BEND4: variants seen among roughly 807,000 people sequenced by gnomAD.
BEND4 encodes BEN domain-containing protein 4.
BEND4 carries 27 observed loss-of-function variants against 54.7 expected under a neutral mutation model. That is an observed-to-expected ratio of 0.49 (90% CI 0.36 to 0.68). The LOEUF (loss-of-function observed/expected upper bound fraction) is 0.68, where lower values mean the gene tolerates loss of function less well. BEND4 is among the 30% of genes least tolerant of loss of function. BEND4 has a pLI of 0.00. For missense variants in BEND4, 702 were observed against 697.2 expected (o/e 1.01, Z -0.08); for synonymous variants, 327 against 299.5 (o/e 1.09, Z -0.95).
In BEND4 at chr4:42,152,051, G is replaced by A. The variant is rs1034946473; in HGVS notation, c.93C>T (p.Pro31=). 25 of 1,252,068 alleles carry A rather than the reference G, an allele frequency of 2.0e-5. No homozygotes were observed. Among genetic ancestry groups the A allele is most frequent in the South Asian group, 4.1e-5 (1 of 24,650 alleles). 77.6% of individuals were successfully genotyped at this position (1,252,068 alleles called of 1,614,324 possible). A position where few individuals can be genotyped will look rare whatever the true frequency, so the allele number is the denominator to read the frequency against. The change falls in exon 2 of 6, where the codon CCC becomes CCT. Residue 31 remains proline, a synonymous_variant. Transcript: ENST00000502486. The part of the protein sequence containing the change: ...RSPYSVLKTF[P]SKRPALAKRY... ...GCTTGGCCAGCGCCGGTCTCTTGCT[G>A]GGGAACGTCTTGAGGACGCTGTAGG...
intron 3 of BEND4, among the ~76,000 whole-genome samples, chr4:42,130,951 C>G (rs1720485589): frequency 6.6e-6 from 1 of 152,146 alleles, no homozygotes; most frequent in African/African-American, 2.4e-5. Context: ...TTATCCTCAG[C>G]AAACTAATGC....
At position 42,135,439 on chromosome 4, in the gene BEND4, T is replaced by A. The variant is rs372316524; in HGVS notation, c.1054+7989A>T. On this transcript the variant is annotated intron_variant, in intron 3 of 5. Transcript: ENST00000502486. Reference sequence around the variant, plus strand: ...GTGCTTACTGGAAGATCAGTAGGTATCCCAACCATGCCTTATTGTATTTGG... The same window carrying A: ...GTGCTTACTGGAAGATCAGTAGGTAACCCAACCATGCCTTATTGTATTTGG... Among the ~76,000 whole-genome samples the A allele has an allele frequency of 9.3e-4, 141 of 152,278 alleles. 2 individuals are homozygous for A. The South Asian group carries it at 0.028, about 31-fold the overall frequency.
chr4:42,144,604 T>C (rs1321301434), intron 2 of BEND4, among the ~76,000 whole-genome samples: 1 of 152,254 alleles, frequency 6.6e-6, no homozygotes, highest in Admixed American at 6.5e-5. Flanking sequence ...GTGTTCACTA[T>C]TCCTTCTTTT....
At chr4:42,140,018 T>C (rs1409333229) in intron 3 of BEND4, among the ~76,000 whole-genome samples, 1 of 152,176 alleles carries the variant, frequency 6.6e-6, no homozygotes, top group African/African-American at 2.4e-5. Context: ...GCTAATCAAG[T>C]AAAAAGTGGA....
At position 42,111,147 on chromosome 4, in the gene BEND4, T is replaced by C. The variant is rs1463410817; in HGVS notation, c.*6371A>G. The C allele has an allele frequency of 6.6e-6, 1 of 152,220 alleles. No homozygotes were observed. The highest frequency in any genetic ancestry group is 1.5e-5 in the Non-Finnish European group (1 of 68,032). 9.4% of individuals were successfully genotyped at this position (152,220 alleles called of 1,614,324 possible). On this transcript the variant is annotated 3_prime_UTR_variant, in exon 6 of 6. Coordinates refer to ENST00000502486, the MANE Select transcript of BEND4 (RefSeq NM_207406.4). The stretch of plus-strand genomic sequence containing the variant: ...TTCTAAAAGAAATGAGCCTAACACT[T>C]AAAAAACAACTTACTCTTCTATATA...
intron 2 of BEND4, among the ~76,000 whole-genome samples, chr4:42,148,026 T>C (rs1422450449): frequency 6.6e-6 from 1 of 152,206 alleles, no homozygotes; most frequent in Non-Finnish European, 1.5e-5. Context: ...TATATTAATA[T>C]TAAAAATGCA....
At position 42,113,670 on chromosome 4, in the gene BEND4, T is replaced by C. The variant is rs769274783; in HGVS notation, c.*3848A>G. 1.3e-5 allele frequency: 2 copies of C among 152,188 alleles called. No homozygotes were observed. The highest frequency in any genetic ancestry group is 2.4e-5 in the African/African-American group (1 of 41,436). 9.4% of individuals were successfully genotyped at this position (152,188 alleles called of 1,614,324 possible). A position where few individuals can be genotyped will look rare whatever the true frequency, so the allele number is the denominator to read the frequency against. ...CACTAGTTGATGGGACATGGAGTAG[T>C]TGGATCAAGTAAAAAAATGGTTAAT... On this transcript the variant is annotated 3_prime_UTR_variant, in exon 6 of 6. Coordinates refer to ENST00000502486, the MANE Select transcript of BEND4 (RefSeq NM_207406.4).
intron 2 of BEND4, among the ~76,000 whole-genome samples, chr4:42,148,478 T>C (rs993178288): frequency 1.3e-5 from 2 of 152,240 alleles, no homozygotes; most frequent in Non-Finnish European, 2.9e-5. Context: ...CTATTTGTGA[T>C]GGCAAACAAA....
intron 3 of BEND4, among the ~76,000 whole-genome samples, chr4:42,138,418 G>T (rs534207446): frequency 1.3e-5 from 2 of 152,198 alleles, no homozygotes; most frequent in Non-Finnish European, 2.9e-5. Flanking sequence ...TAGCTACAAG[G>T]GGTGGGGAGT....
rs374332155 is a variant in BEND4 at position 42,115,086 on chromosome 4, G to A, written c.*2432C>T. On this transcript the variant is annotated 3_prime_UTR_variant, in exon 6 of 6. Transcript: ENST00000502486. ...GCAGAGGAGTTAGAACTGGCTGTGC[G>A]ATGCTGAGTATGGAGTCTGTCAGCC... 11 of 152,286 alleles carry A rather than the reference G, an allele frequency of 7.2e-5. No homozygotes were observed. Among genetic ancestry groups the A allele is most frequent in the South Asian group, 2.1e-4 (1 of 4,830 alleles). The allele number at this position is 152,286 out of a possible 1,614,324, so 9.4% of individuals were successfully genotyped here. A position where few individuals can be genotyped will look rare whatever the true frequency, so the allele number is the denominator to read the frequency against.
rs764634917 is a variant in BEND4, at chr4:42,151,960, AGGGCGGCGG to A, written c.175_183del (p.Pro59_Pro61del). 322 of 1,246,846 alleles carry A rather than the reference AGGGCGGCGG, an allele frequency of 2.6e-4. No homozygotes were observed. Among genetic ancestry groups the A allele is most frequent in the Admixed American group, 7.7e-4 (18 of 23,430 alleles). 77.2% of individuals were successfully genotyped at this position (1,246,846 alleles called of 1,614,324 possible). A position where few individuals can be genotyped will look rare whatever the true frequency, so the allele number is the denominator to read the frequency against. ...ATGGAGACGGCGGCGTGCGGCGCGA[AGGGCGGCGG>A]GGGCGGCGGGGGCGCCCGCACGTGC... On this transcript the variant is annotated inframe_deletion, in exon 2 of 6. Transcript: ENST00000502486.
At chr4:42,144,672 A>G (rs1433171469) in intron 2 of BEND4, among the ~76,000 whole-genome samples, 1 of 152,200 alleles carries the variant, frequency 6.6e-6, no homozygotes, top group Non-Finnish European at 1.5e-5. Context: ...GACGTGTATC[A>G]TTTGAAAATC....
rs374332155 is a variant in BEND4 at position 42,115,086 on chromosome 4, G to C, written c.*2432C>G. 1 of 152,286 alleles carries C rather than the reference G, an allele frequency of 6.6e-6. No individual in the cohort carries two copies. Among genetic ancestry groups the C allele is most frequent in the African/African-American group, 2.4e-5 (1 of 41,458 alleles). 9.4% of individuals were successfully genotyped at this position (152,286 alleles called of 1,614,324 possible). A position where few individuals can be genotyped will look rare whatever the true frequency, so the allele number is the denominator to read the frequency against. On this transcript the variant is annotated 3_prime_UTR_variant, in exon 6 of 6. Transcript: ENST00000502486. The stretch of plus-strand genomic sequence containing the variant: ...GCAGAGGAGTTAGAACTGGCTGTGC[G>C]ATGCTGAGTATGGAGTCTGTCAGCC...
chr4:42,127,430 T>C (rs979207739), intron 3 of BEND4, among the ~76,000 whole-genome samples: 2 of 152,224 alleles, frequency 1.3e-5, no homozygotes, highest in African/African-American at 4.8e-5. Flanking sequence ...TCAATAAACC[T>C]GTCAAATGGC....
At position 42,138,425 on chromosome 4, in the gene BEND4, G is replaced by A. The variant is rs376068974; in HGVS notation, c.1054+5003C>T. ...CAAAATAGTAGCTACAAGGGGTGGG[G>A]AGTGGGAGTGGAAACGGAGGGATAT... On this transcript the variant is annotated intron_variant, in intron 3 of 5. Coordinates refer to ENST00000502486, the MANE Select transcript of BEND4 (RefSeq NM_207406.4). 2.6e-4 allele frequency among the ~76,000 whole-genome samples: 40 copies of A among 152,302 alleles called. No homozygotes were observed. The South Asian group carries it at 7.1e-3, about 27-fold the overall frequency.
At chr4:42,129,251 A>G in intron 3 of BEND4, among the ~76,000 whole-genome samples, 1 of 152,204 alleles carries the variant, frequency 6.6e-6, no homozygotes. Flanking sequence ...AGAACTACAA[A>G]CCACTGCTTA....
In BEND4 at chr4:42,113,760, G is replaced by A. The variant is rs1719678842; in HGVS notation, c.*3758C>T. Reference sequence around the variant, plus strand: ...TCAATGTGTCTGTCACTGACAAAGGGATAAGGAACAATGCAGAATACCCGA... The same window carrying A: ...TCAATGTGTCTGTCACTGACAAAGGAATAAGGAACAATGCAGAATACCCGA... On this transcript the variant is annotated 3_prime_UTR_variant, in exon 6 of 6. Coordinates refer to ENST00000502486, the MANE Select transcript of BEND4 (RefSeq NM_207406.4). 6.6e-6 allele frequency: 1 copy of A among 152,146 alleles called. No individual in the cohort carries two copies. The highest frequency in any genetic ancestry group is 6.5e-5 in the Admixed American group (1 of 15,278). The allele number at this position is 152,146 out of a possible 1,614,324, so 9.4% of individuals were successfully genotyped here.
chr4:42,143,942 G>A lies in BEND4; in HGVS notation c.540C>T (p.Ser180=). Reference sequence around the variant, plus strand: ...GGAGTTTTCCTCCACAATTTAAGAGGCTAAGAACTCGACTGCACTGCTGGG... The same window carrying A: ...GGAGTTTTCCTCCACAATTTAAGAGACTAAGAACTCGACTGCACTGCTGGG... The part of the protein sequence containing the change: ...AFAQQCSRVL[S]LLNCGGKLLD... The change falls in exon 3 of 6, where the codon AGC becomes AGT. Residue 180 remains serine, a synonymous_variant. Coordinates refer to ENST00000502486, the MANE Select transcript of BEND4 (RefSeq NM_207406.4). 1.3e-6 allele frequency: 2 copies of A among 1,542,236 alleles called. No homozygotes were observed. Among genetic ancestry groups the A allele is most frequent in the Non-Finnish European group, 1.7e-6 (2 of 1,149,086 alleles).
At chr4:42,150,218 A>C (rs554948426) in intron 2 of BEND4, among the ~76,000 whole-genome samples, 1 of 152,328 alleles carries the variant, frequency 6.6e-6, no homozygotes, top group South Asian at 2.1e-4. Flanking sequence ...AAAAAGAAAA[A>C]AAGTAAGGAG....
Sources: gnomAD v4.1 joint callset for allele counts (sites outside exome capture counted in the v4.1 genomes callset) on GRCh38, gnomAD v4.1.1 for gene constraint, MANE v1.5 for transcripts, NCBI Gene and HGNC (gene_info 2026-07-23, HGNC 2026-07-21) for gene names.